The following EYA1 variants were observed in gnomAD, a reference collection of about 807,000 sequenced individuals.
The protein encoded by EYA1 is protein phosphatase EYA1.
EYA1 carries 16 observed loss-of-function variants against 82.0 expected under a neutral mutation model. The ratio of observed to expected loss-of-function variants is 0.20; its 90% CI spans 0.13 to 0.30. EYA1 has a LOEUF of 0.30. Ranked by LOEUF, EYA1 falls within the 10% of genes least tolerant of loss-of-function variation. EYA1 has a pLI of 1.00. For synonymous variants in EYA1, 261 were observed against 264.4 expected, an observed-to-expected ratio of 0.99 and a Z score of 0.12; for missense variants, 633 against 730.7, an observed-to-expected ratio of 0.87 and a Z score of 1.54.
rs368656098 is a variant in EYA1 at position 71,271,914 on chromosome 8, A to G, written c.827-17T>C. The G allele has an allele frequency of 1.8e-5, 29 of 1,614,044 alleles. No homozygotes were observed. The highest frequency in any genetic ancestry group is 2.3e-5 in the Non-Finnish European group (27 of 1,180,006). ...TGCTGTACTCTGCAGGAATATAGGA[A>G]GGACTTTCATCTTTTATTTCCATCA... is the stretch of plus-strand genomic sequence containing the variant. On this transcript the variant is annotated splice_polypyrimidine_tract_variant and intron_variant, in intron 9 of 17. Coordinates refer to ENST00000340726, the MANE Select transcript of EYA1 (RefSeq NM_000503.6).
chr8:71,453,833 C>T (rs753299891), intron 2 of EYA1, among the ~76,000 whole-genome samples: 14 of 152,130 alleles, frequency 9.2e-5, no homozygotes, highest in Non-Finnish European at 1.5e-5. Flanking sequence ...ATTGTAAAGA[C>T]CATCGATGCT....
chr8:71,464,732 T>C (rs1808655610), intron 2 of EYA1, among the ~76,000 whole-genome samples: 1 of 152,230 alleles, frequency 6.6e-6, no homozygotes, highest in African/African-American at 2.4e-5. Flanking sequence ...GCATAAAATA[T>C]AAATTATAAC....
At chr8:71,461,471 C>G (rs1177785283) in intron 2 of EYA1, among the ~76,000 whole-genome samples, 1 of 152,092 alleles carries the variant, frequency 6.6e-6, no homozygotes, top group Non-Finnish European at 1.5e-5. Context: ...GTGGTAGCAC[C>G]CAGAAGCTTG....
chr8:71,297,649 C>T (rs1819734028), intron 9 of EYA1, among the ~76,000 whole-genome samples: 1 of 152,076 alleles, frequency 6.6e-6, no homozygotes, highest in Admixed American at 6.5e-5. Context: ...CAAGCCATTA[C>T]CTTTCCTCAT....
chr8:71,485,439 C>T (rs1309309013), intron 2 of EYA1, among the ~76,000 whole-genome samples: 1 of 152,132 alleles, frequency 6.6e-6, no homozygotes, highest in Non-Finnish European at 1.5e-5. Flanking sequence ...GGAGAAGAAT[C>T]ATAAACTAAT....
intron 3 of EYA1, among the ~76,000 whole-genome samples, chr8:71,352,499 C>T (rs1826408135): frequency 6.6e-6 from 1 of 152,250 alleles, no homozygotes; most frequent in African/African-American, 2.4e-5. Flanking sequence ...TACCTTCTAA[C>T]TTCACTTGCT....
chr8:71,362,518 G>A (rs1827496018), upstream of EYA1, among the ~76,000 whole-genome samples: 1 of 151,884 alleles, frequency 6.6e-6, no homozygotes, highest in Admixed American at 6.6e-5. Flanking sequence ...CCTAACTAAC[G>A]TACCTACTAC....
At chr8:71,207,583 CATTTGGTCAAAAAATTCAGTATG>C (rs1222242936) in intron 17 of EYA1, among the ~76,000 whole-genome samples, 5 of 152,124 alleles carry the variant, frequency 3.3e-5, no homozygotes, top group African/African-American at 1.2e-4. Flanking sequence ...TAGGAGGACT[CATTTGGTCAAAAAATTCAGTATG>C]TTTTCTGCAG....
At chr8:71,413,174 G>T (rs1198769544) in intron 2 of EYA1, among the ~76,000 whole-genome samples, 1 of 152,184 alleles carries the variant, frequency 6.6e-6, no homozygotes, top group Admixed American at 6.5e-5. Flanking sequence ...CAAAAGTCCA[G>T]AAAGATTATC....
chr8:71,424,809 G>C lies in EYA1; in HGVS notation c.34-68298C>G, dbSNP rs559312166. Among the ~76,000 whole-genome samples, 6 of 152,072 alleles carry C rather than the reference G, an allele frequency of 3.9e-5. No individual in the cohort carries two copies. In the East Asian group the frequency reaches 5.8e-4, roughly 15 times the overall value. On this transcript the variant is annotated intron_variant, in intron 2 of 18. Coordinates refer to the EYA1 transcript ENST00000643681. ...TGGATGGTTTCCTATAGTCTACTGG[G>C]TTACATGTGACTTCCTTCCTGCGGC...
At chr8:71,200,662 G>A (rs985349712) in intron 17 of EYA1, among the ~76,000 whole-genome samples, 3 of 152,154 alleles carry the variant, frequency 2.0e-5, no homozygotes, top group Admixed American at 6.5e-5. Flanking sequence ...ACTGTAAGAC[G>A]TAGCATTGTG....
At chr8:71,208,387 G>A (rs529734903) in intron 17 of EYA1, among the ~76,000 whole-genome samples, 13 of 152,066 alleles carry the variant, frequency 8.5e-5, no homozygotes, top group South Asian at 8.3e-4. Context: ...AGCCGAGATC[G>A]CGCTACTGCA....
chr8:71,466,572 T>G (rs868262126), intron 2 of EYA1, among the ~76,000 whole-genome samples: 8 of 152,150 alleles, frequency 5.3e-5, no homozygotes, highest in African/African-American at 1.9e-4. Flanking sequence ...TAGTTTTATG[T>G]GAGCAGGTGT....
chr8:71,236,494 A>G (rs777210140), intron 12 of EYA1, among the ~76,000 whole-genome samples: 14 of 152,164 alleles, frequency 9.2e-5, no homozygotes, highest in Admixed American at 7.9e-4. Flanking sequence ...ATGAGGATGT[A>G]TTTTAATTTA....
chr8:71,503,213 C>G (rs957770306), intron 2 of EYA1, among the ~76,000 whole-genome samples: 2 of 152,032 alleles, frequency 1.3e-5, no homozygotes, highest in Non-Finnish European at 2.9e-5. Context: ...GGGAAGCGAT[C>G]AGCTGGGTGC....
At chr8:71,272,563 G>A (rs1816675058) in intron 9 of EYA1, among the ~76,000 whole-genome samples, 2 of 152,078 alleles carry the variant, frequency 1.3e-5, no homozygotes, top group South Asian at 2.1e-4. Flanking sequence ...TACTCATCTG[G>A]GTAACTCAGA....
chr8:71,470,339 T>C (rs1231059714), intron 2 of EYA1, among the ~76,000 whole-genome samples: 2 of 152,110 alleles, frequency 1.3e-5, no homozygotes, highest in Non-Finnish European at 2.9e-5. Context: ...TTTACCTCTC[T>C]ATCCCTGTCA....
intron 2 of EYA1, among the ~76,000 whole-genome samples, chr8:71,483,053 T>A (rs1290701103): frequency 2.0e-5 from 3 of 152,222 alleles, no homozygotes; most frequent in African/African-American, 7.2e-5. Flanking sequence ...GACAGACCCC[T>A]GCTCAAGCCC....
intron 11 of EYA1, among the ~76,000 whole-genome samples, chr8:71,266,022 A>G: frequency 6.6e-6 from 1 of 152,162 alleles, no homozygotes; most frequent in East Asian, 1.9e-4. Flanking sequence ...TTTTTTTGGT[A>G]CACATTGCTG....
Sources: allele counts gnomAD v4.1 joint callset (sites outside exome capture counted in the v4.1 genomes callset), GRCh38; gene constraint gnomAD v4.1.1; transcripts MANE v1.5; gene names NCBI Gene and HGNC (gene_info 2026-07-23, HGNC 2026-07-21).